The following THRAP3 variants were observed in gnomAD, a reference collection of about 807,000 sequenced individuals.
THRAP3 encodes thyroid hormone receptor associated protein 3.
THRAP3 carries 16 observed loss-of-function variants against 101.0 expected under a neutral mutation model. The observed-to-expected ratio is 0.16, with a 90% CI of 0.11 to 0.24. The LOEUF is 0.24. Ranked by LOEUF, THRAP3 falls within the 10% of genes least tolerant of loss-of-function variation. THRAP3 has a pLI of 1.00. For synonymous variants in THRAP3, 407 were observed against 422.6 expected (o/e 0.96, Z 0.45); for missense variants, 989 against 1,202.7 (o/e 0.82, Z 2.63).
chr1:36,282,082 A>AG (rs1645738607), intron 2 of THRAP3, among the ~76,000 whole-genome samples: 1 of 149,334 alleles, frequency 6.7e-6, no homozygotes, highest in Admixed American at 6.7e-5. Context: ...CTCAAGAAAA[A>AG]AAAAATTTTT....
chr1:36,292,416 C>T (rs548849417), intron 6 of THRAP3, among the ~76,000 whole-genome samples, 182 bp from the exon 7 acceptor site: 18 of 151,212 alleles, frequency 1.2e-4, no homozygotes, highest in Admixed American at 3.3e-4. Context: ...GGACTACAGG[C>T]GCCCGCCACC....
chr1:36,303,711 A>G lies in THRAP3; in HGVS notation c.2647-85A>G. 10 of 1,578,268 alleles carry G rather than the reference A, an allele frequency of 6.3e-6. No homozygotes were observed. The South Asian group carries it at 1.0e-4, about 16-fold the overall frequency. On this transcript the variant is annotated intron_variant, in intron 11 of 11. Coordinates refer to ENST00000354618, the MANE Select transcript of THRAP3 (RefSeq NM_005119.4). ...GTTAGGGCACAGGTTCTTTTGGGAA[A>G]GGCACATTTGGGTGCGTGCAGAGAA...
intron 1 of THRAP3, among the ~76,000 whole-genome samples, chr1:36,258,152 T>A (rs866334321): frequency 6.6e-6 from 1 of 152,034 alleles, no homozygotes. Flanking sequence ...AATAGGTTGT[T>A]TTTTAAATTC....
chr1:36,304,041 G>C lies in THRAP3; in HGVS notation c.*24G>C, dbSNP rs766416691. On this transcript the variant is annotated 3_prime_UTR_variant, in exon 12 of 12. Coordinates refer to ENST00000354618, the MANE Select transcript of THRAP3 (RefSeq NM_005119.4). ...AGGGGCCACCCTTGACGGGATTCCT[G>C]CCCAGGGGAGAGAGGCGCTGGGAAG... The C allele has an allele frequency of 3.4e-6, 5 of 1,481,724 alleles. No individual in the cohort carries two copies. The South Asian group carries it at 6.9e-5, about 20-fold the overall frequency. The allele number at this position is 1,481,724 out of a possible 1,614,324, so 91.8% of individuals were successfully genotyped here.
intron 1 of THRAP3, among the ~76,000 whole-genome samples, chr1:36,258,839 C>T (rs940028239): frequency 6.6e-6 from 1 of 152,190 alleles, no homozygotes; most frequent in African/African-American, 2.4e-5. Flanking sequence ...CCTACATGAG[C>T]TTGCTGGTCT....
intron 1 of THRAP3, among the ~76,000 whole-genome samples, chr1:36,237,351 G>A (rs969587977): frequency 1.3e-5 from 2 of 149,754 alleles, no homozygotes; most frequent in African/African-American, 4.9e-5. Context: ...ACCTGTAATC[G>A]CAGCTACTTG....
chr1:36,259,118 G>A (rs1645412053), intron 1 of THRAP3, among the ~76,000 whole-genome samples: 1 of 152,154 alleles, frequency 6.6e-6, no homozygotes, highest in African/African-American at 2.4e-5. Context: ...CTTGCATAAT[G>A]AAAACCTTAG....
intron 10 of THRAP3, 70 bp downstream of exon 10, chr1:36,301,154 A>C: frequency 3.4e-6 from 5 of 1,482,964 alleles, no homozygotes; most frequent in Non-Finnish European, 4.6e-6. Context: ...GTTTCATCAG[A>C]ATACCAGTTT....
At chr1:36,258,086 G>T (rs1300985271) in intron 1 of THRAP3, among the ~76,000 whole-genome samples, 1 of 152,166 alleles carries the variant, frequency 6.6e-6, no homozygotes, top group Non-Finnish European at 1.5e-5. Context: ...TGATCCGCCC[G>T]CCTCGGCCTC....
chr1:36,272,153 A>G (rs1455155971), intron 2 of THRAP3, among the ~76,000 whole-genome samples: 2 of 152,126 alleles, frequency 1.3e-5, no homozygotes, highest in African/African-American at 4.8e-5. Context: ...AAGTGCTGGG[A>G]TTACAGGTTT....
Position 36,296,604 on chromosome 1 carries a change from G to A in THRAP3, c.2137G>A (p.Asp713Asn), listed in dbSNP as rs2124634483. 1 of 1,571,816 alleles carries A rather than the reference G, an allele frequency of 6.4e-7. No homozygotes were observed. The highest frequency in any genetic ancestry group is 2.3e-5 in the East Asian group (1 of 43,724). The change falls in exon 9 of 12, where the codon GAT becomes AAT. Residue 713 changes from aspartate to asparagine, a missense_variant. Transcript: ENST00000354618. ...ATAGGCTGAGGGAAAATACAAAGATGATCCTGTTGATCTCCGCCTTGATAT... is the reference window on the plus strand; with the variant it reads ...ATAGGCTGAGGGAAAATACAAAGATAATCCTGTTGATCTCCGCCTTGATAT... ...GYKAEGKYKDDPVDLRLDIER... is the reference protein window; with the variant it reads ...GYKAEGKYKDNPVDLRLDIER...
chr1:36,265,061 G>A (rs1645496167), intron 2 of THRAP3, among the ~76,000 whole-genome samples: 1 of 152,082 alleles, frequency 6.6e-6, no homozygotes, highest in Non-Finnish European at 1.5e-5. Flanking sequence ...AACTTCAAAT[G>A]AGGTTACATT....
At chr1:36,274,591 C>T (rs939537375) in intron 2 of THRAP3, among the ~76,000 whole-genome samples, 7 of 148,040 alleles carry the variant, frequency 4.7e-5, no homozygotes, top group South Asian at 2.1e-4. Context: ...ATTGAGAGTC[C>T]GGAAATGAAT....
At chr1:36,237,913 C>T (rs1041133562) in intron 1 of THRAP3, among the ~76,000 whole-genome samples, 7 of 152,176 alleles carry the variant, frequency 4.6e-5, no homozygotes, top group African/African-American at 1.7e-4. Flanking sequence ...CCTCAAACTC[C>T]TGAGCTTAAG....
At chr1:36,232,794 G>C (rs149688699) in intron 1 of THRAP3, among the ~76,000 whole-genome samples, 1 of 151,992 alleles carries the variant, frequency 6.6e-6, no homozygotes, top group Non-Finnish European at 1.5e-5. Flanking sequence ...GGGCAAGAGG[G>C]TACTTTCTGG....
chr1:36,215,011 T>G, the THRAP3 span, among the ~76,000 whole-genome samples: 349 of 151,326 alleles, frequency 2.3e-3, 2 homozygotes, highest in African/African-American at 7.9e-3. Context: ...TATGAGGTCA[T>G]GAGATAGAGA....
chr1:36,210,333 T>C, the THRAP3 span, among the ~76,000 whole-genome samples: 1 of 135,446 alleles, frequency 7.4e-6, no homozygotes, highest in Admixed American at 8.2e-5. Flanking sequence ...GCCACTGCAC[T>C]CCAGCTTGGG....
At chr1:36,247,799 C>CT (rs1645248932) in intron 1 of THRAP3, among the ~76,000 whole-genome samples, 1 of 151,618 alleles carries the variant, frequency 6.6e-6, no homozygotes, top group South Asian at 2.1e-4. Flanking sequence ...ATTTACTGCA[C>CT]TTACCATGTT....
intron 2 of THRAP3, among the ~76,000 whole-genome samples, chr1:36,267,594 T>C (rs1645532145): frequency 6.6e-6 from 1 of 152,206 alleles, no homozygotes; most frequent in African/African-American, 2.4e-5. Context: ...TCCAGGGGTA[T>C]TGATACTTTG....
Sources: gnomAD v4.1 joint callset for allele counts (sites outside exome capture counted in the v4.1 genomes callset) on GRCh38, gnomAD v4.1.1 for gene constraint, MANE v1.5 for transcripts, NCBI Gene and HGNC (gene_info 2026-07-23, HGNC 2026-07-21) for gene names.